Variants in PCLO observed in about 807,000 individuals in gnomAD.
PCLO encodes piccolo presynaptic cytomatrix protein.
A neutral mutation model predicts 427.5 loss-of-function variants in PCLO; 82 were observed. That is an observed-to-expected ratio of 0.19 (90% CI 0.16 to 0.23). The LOEUF (loss-of-function observed/expected upper bound fraction) is 0.23, where lower values mean the gene tolerates loss of function less well. Among genes scored for constraint, PCLO ranks in the 10% least tolerant of loss-of-function variants. The pLI is 1.00. For synonymous variants in PCLO, 2,357 were observed against 2,155.4 expected, an observed-to-expected ratio of 1.09 and a Z score of -2.59; for missense variants, 6,239 against 6,115.9, an observed-to-expected ratio of 1.02 and a Z score of -0.67.
intron 20 of PCLO, among the ~76,000 whole-genome samples, chr7:82,818,106 C>T (rs906426869): frequency 2.0e-5 from 3 of 149,556 alleles, no homozygotes; most frequent in East Asian, 2.0e-4. Flanking sequence ...CAACAACAAC[C>T]GAAAACATTT....
intron 3 of PCLO, among the ~76,000 whole-genome samples, chr7:83,003,648 T>C (rs980704726): frequency 6.6e-6 from 1 of 151,920 alleles, no homozygotes; most frequent in African/African-American, 2.4e-5. Flanking sequence ...TTCACACTTA[T>C]TGATTTGCAT....
chr7:83,157,435 CTAATT>C (rs1358034560), intron 1 of PCLO, among the ~76,000 whole-genome samples: 7 of 151,920 alleles, frequency 4.6e-5, no homozygotes, highest in East Asian at 1.9e-4. Flanking sequence ...TATTAGTAAT[CTAATT>C]TATTATTGAC....
chr7:83,155,502 T>G lies in PCLO; in HGVS notation c.1139A>C (p.Lys380Thr), dbSNP rs1315897238. 6.2e-7 allele frequency: 1 copy of G among 1,612,734 alleles called. No individual in the cohort carries two copies. Among genetic ancestry groups the G allele is most frequent in the Non-Finnish European group, 8.5e-7 (1 of 1,179,382 alleles). Residue 380 changes from lysine to threonine, a missense_variant, in exon 2 of 25, where the codon AAG becomes ACG. Transcript: ENST00000333891. Reference sequence around the variant, plus strand: ...TGGCCCAGGCTGCTCCGATGAAGGCTTCTCTGACCCAGTCTGCTGAGCTGG... The same window carrying G: ...TGGCCCAGGCTGCTCCGATGAAGGCGTCTCTGACCCAGTCTGCTGAGCTGG... ...KPPAQQTGSE[K>T]PSSEQPGPKA...
intron 6 of PCLO, among the ~76,000 whole-genome samples, chr7:82,918,250 C>A (rs1358912129): frequency 1.3e-5 from 2 of 151,942 alleles, no homozygotes; most frequent in African/African-American, 4.8e-5. Context: ...TCTTCCTACT[C>A]ATTCTCAATT....
intron 3 of PCLO, among the ~76,000 whole-genome samples, chr7:83,125,362 G>A (rs1791410919): frequency 6.6e-6 from 1 of 152,164 alleles, no homozygotes; most frequent in Non-Finnish European, 1.5e-5. Flanking sequence ...GGGCTGCTCT[G>A]CCCGGCCACC....
At chr7:82,813,199 T>C (rs10264617) in intron 20 of PCLO, among the ~76,000 whole-genome samples, 7,704 of 151,778 alleles carry the variant, frequency 0.051, 651 homozygotes, top group African/African-American at 0.17. Flanking sequence ...AGAGGAAGTT[T>C]GGACAGTTAT....
chr7:82,935,192 A>C (rs1364290502), intron 6 of PCLO, among the ~76,000 whole-genome samples: 1 of 63,102 alleles, frequency 1.6e-5, no homozygotes, highest in Admixed American at 1.8e-4. Flanking sequence ...AGCCTGGTAT[A>C]CTAAAAAAAA....
rs370078299 is a variant in PCLO, at chr7:82,756,469, A to T, written c.*2106T>A. 2.0e-5 allele frequency: 3 copies of T among 152,178 alleles called. No homozygotes were observed. 9.4% of individuals were successfully genotyped at this position (152,178 alleles called of 1,614,324 possible). On this transcript the variant is annotated 3_prime_UTR_variant, in exon 25 of 25. Coordinates refer to ENST00000333891, the MANE Select transcript of PCLO (RefSeq NM_033026.6). Reference sequence around the variant, plus strand: ...GTATTGTCAGTGGAGGGGGATTAAAAAATAGAGGGAAGAAAAGTTATGGTT... The same window carrying T: ...GTATTGTCAGTGGAGGGGGATTAAATAATAGAGGGAAGAAAAGTTATGGTT...
chr7:82,958,603 C>T (rs1477054443), intron 4 of PCLO, among the ~76,000 whole-genome samples: 1 of 152,148 alleles, frequency 6.6e-6, no homozygotes, highest in African/African-American at 2.4e-5. Context: ...TTCTTAACAA[C>T]TTTAGTGCAA....
intron 10 of PCLO, among the ~76,000 whole-genome samples, chr7:82,857,220 A>T (rs185830000): frequency 6.6e-6 from 1 of 152,278 alleles, no homozygotes; most frequent in African/African-American, 2.4e-5. Context: ...TAACAATAAC[A>T]AACTAAACCA....
chr7:83,078,035 A>G (rs1368216167), intron 3 of PCLO, among the ~76,000 whole-genome samples: 1 of 152,160 alleles, frequency 6.6e-6, no homozygotes, highest in Non-Finnish European at 1.5e-5. Context: ...AGCCATTTCC[A>G]GCACTCAGAG....
At chr7:82,868,087 T>C (rs1793141403) in intron 10 of PCLO, 2 of 455,734 alleles carry the variant, frequency 4.4e-6, no homozygotes, top group South Asian at 1.6e-5. Context: ...AGAAATCTCA[T>C]GCTAATGACC....
intron 3 of PCLO, among the ~76,000 whole-genome samples, chr7:83,111,201 C>A (rs1790994533): frequency 6.6e-6 from 1 of 152,186 alleles, no homozygotes; most frequent in African/African-American, 2.4e-5. Context: ...TTATTCAATT[C>A]AATCACTCAG....
chr7:82,942,470 C>A (rs1230167158), intron 6 of PCLO, among the ~76,000 whole-genome samples: 1 of 151,998 alleles, frequency 6.6e-6, no homozygotes, highest in Non-Finnish European at 1.5e-5. Flanking sequence ...TTCTGAAAAT[C>A]TTTTCCTTCT....
Position 82,956,941 on chromosome 7 carries a change from C to G in PCLO, c.4018-6G>C. On this transcript the variant is annotated splice_polypyrimidine_tract_variant and splice_region_variant and intron_variant, in intron 4 of 24. Transcript: ENST00000333891. ...GATTTGTCATCTTCCTTTTCCTAAG[C>G]AGGGAGATAAAGATACAGGAAAACT... 6.3e-7 allele frequency: 1 copy of G among 1,577,822 alleles called. No individual in the cohort carries two copies. The highest frequency in any genetic ancestry group is 8.6e-7 in the Non-Finnish European group (1 of 1,163,230).
chr7:82,998,740 C>T (rs1221960196), intron 3 of PCLO, among the ~76,000 whole-genome samples: 1 of 151,758 alleles, frequency 6.6e-6, no homozygotes, highest in Non-Finnish European at 1.5e-5. Context: ...CTTTCTTTTA[C>T]CCAATACATC....
chr7:82,796,837 CA>C (rs1454853748), intron 22 of PCLO, among the ~76,000 whole-genome samples: 1 of 147,484 alleles, frequency 6.8e-6, no homozygotes, highest in Non-Finnish European at 1.5e-5. Context: ...TATGCTCCCT[CA>C]GATCAGTATA....
intron 3 of PCLO, among the ~76,000 whole-genome samples, chr7:83,028,148 G>A (rs1350767797): frequency 2.0e-5 from 3 of 152,156 alleles, no homozygotes; most frequent in African/African-American, 7.2e-5. Flanking sequence ...ATTCAATTAA[G>A]AAAAGAGGAA....
chr7:82,903,473 C>G (rs1794109756), intron 8 of PCLO, among the ~76,000 whole-genome samples: 1 of 151,934 alleles, frequency 6.6e-6, no homozygotes, highest in Admixed American at 6.6e-5. Flanking sequence ...ATTATTGAGA[C>G]TTGAATATGA....
Sources: gnomAD v4.1 joint callset for allele counts (sites outside exome capture counted in the v4.1 genomes callset) on GRCh38, gnomAD v4.1.1 for gene constraint, MANE v1.5 for transcripts, NCBI Gene and HGNC (gene_info 2026-07-23, HGNC 2026-07-21) for gene names.